UBE2G1: variants seen among roughly 807,000 people sequenced by gnomAD.
UBE2G1 encodes the protein ubiquitin-conjugating enzyme E2 G1.
A neutral mutation model predicts 22.7 loss-of-function variants in UBE2G1; 5 were observed. The observed-to-expected ratio is 0.22, with a 90% CI of 0.12 to 0.46. The LOEUF is 0.46. UBE2G1 is among the 20% of genes least tolerant of loss of function. The pLI, the probability that UBE2G1 is intolerant of heterozygous loss-of-function variation, is 0.99. For synonymous variants in UBE2G1, 74 were observed against 67.5 expected, an observed-to-expected ratio of 1.10 and a Z score of -0.47; for missense variants, 88 against 203.9, an observed-to-expected ratio of 0.43 and a Z score of 3.46.
chr17:4,349,873 A>G (rs187564110), intron 1 of UBE2G1, among the ~76,000 whole-genome samples: 10 of 152,272 alleles, frequency 6.6e-5, no homozygotes, highest in African/African-American at 2.2e-4. Context: ...TTAACCTCAA[A>G]TTAAATAAAT....
intron 1 of UBE2G1, among the ~76,000 whole-genome samples, chr17:4,321,460 C>T (rs1209798576): frequency 6.6e-6 from 1 of 151,744 alleles, no homozygotes; most frequent in Non-Finnish European, 1.5e-5. Flanking sequence ...TCTCTTTTTT[C>T]TGATTATTTG....
intron 1 of UBE2G1, among the ~76,000 whole-genome samples, chr17:4,355,318 A>C (rs1969893669): frequency 6.6e-6 from 1 of 151,056 alleles, no homozygotes; most frequent in Admixed American, 6.6e-5. Context: ...TGAGTCACTA[A>C]GCCCGGCCTG....
At chr17:4,276,929 G>A (rs73972414) in intron 5 of UBE2G1, among the ~76,000 whole-genome samples, 6,035 of 152,180 alleles carry the variant, frequency 0.04, 445 homozygotes, top group African/African-American at 0.14. Flanking sequence ...CCAAGCCTTT[G>A]TACCAACCCA....
chr17:4,332,162 TC>T (rs1221660353), intron 1 of UBE2G1, among the ~76,000 whole-genome samples: 1 of 152,154 alleles, frequency 6.6e-6, no homozygotes, highest in Non-Finnish European at 1.5e-5. Flanking sequence ...AAGTTTTTAT[TC>T]TTTTTTTATT....
At position 4,312,712 on chromosome 17, in the gene UBE2G1, A is replaced by C. The variant is rs543475109; in HGVS notation, c.47-5589T>G. On this transcript the variant is annotated intron_variant, in intron 1 of 5. Transcript: ENST00000396981. ...CTCCATCTCAAAAAAAAAAAAAAAA[A>C]AAACAAAAGCCAAGAAAACATTTTA... Among the ~76,000 whole-genome samples the C allele has an allele frequency of 5.9e-5, 9 of 151,692 alleles. No homozygotes were observed. In the East Asian group the frequency reaches 7.7e-4, roughly 13 times the overall value.
At chr17:4,283,772 G>A (rs1415824980) in intron 4 of UBE2G1, among the ~76,000 whole-genome samples, 1 of 152,060 alleles carries the variant, frequency 6.6e-6, no homozygotes, top group Admixed American at 6.6e-5. Flanking sequence ...GAGGAGAGAG[G>A]AAACAAAGGG....
chr17:4,318,333 C>T (rs1044285024), intron 1 of UBE2G1, among the ~76,000 whole-genome samples: 5 of 152,290 alleles, frequency 3.3e-5, no homozygotes, highest in South Asian at 2.1e-4. Flanking sequence ...TCAAACCTCA[C>T]GCCCAACTAT....
At chr17:4,359,872 C>CA (rs538222115) in intron 1 of UBE2G1, among the ~76,000 whole-genome samples, 7 of 148,494 alleles carry the variant, frequency 4.7e-5, no homozygotes, top group African/African-American at 9.9e-5. Context: ...AAAAAACAAA[C>CA]AAAAAAAAAC....
chr17:4,299,421 A>G (rs973365666), intron 2 of UBE2G1, among the ~76,000 whole-genome samples: 2 of 152,116 alleles, frequency 1.3e-5, no homozygotes, highest in African/African-American at 2.4e-5. Context: ...AAAAGAGTCA[A>G]TGTAAAAGGA....
chr17:4,312,275 T>C (rs1208978430), intron 1 of UBE2G1, among the ~76,000 whole-genome samples: 1 of 151,892 alleles, frequency 6.6e-6, no homozygotes, highest in Non-Finnish European at 1.5e-5. Context: ...CGATAGAGAC[T>C]TCAGGGTTAT....
rs71383549 is a variant in UBE2G1, at chr17:4,337,319, T to TAA, written c.46+28950_46+28951dup. 4.5e-3 allele frequency among the ~76,000 whole-genome samples: 314 copies of TAA among 69,428 alleles called. 1 individual carries two copies. Among genetic ancestry groups the TAA allele is most frequent in the Middle Eastern group, 0.033 (4 of 122 alleles). 45.5% of individuals were successfully genotyped at this position (69,428 alleles called of 152,430 possible). The stretch of plus-strand genomic sequence containing the variant: ...TCATGCCACTACACTCTAATCTGTG[T>TAA]AAAAAAAAAAAAAAGAAAAGAAAAG... On this transcript the variant is annotated intron_variant, in intron 1 of 5. Transcript: ENST00000396981.
At chr17:4,343,493 A>C (rs940604675) in intron 1 of UBE2G1, among the ~76,000 whole-genome samples, 1 of 152,106 alleles carries the variant, frequency 6.6e-6, no homozygotes, top group Admixed American at 6.5e-5. Context: ...GAAAAGAGTG[A>C]GACTCCATCT....
At chr17:4,303,476 A>G (rs1969210792) in intron 2 of UBE2G1, among the ~76,000 whole-genome samples, 1 of 152,236 alleles carries the variant, frequency 6.6e-6, no homozygotes, top group South Asian at 2.1e-4. Context: ...TAGAAATGAA[A>G]CTGCTAAGAC....
At chr17:4,287,037 C>A (rs941228308) in intron 4 of UBE2G1, among the ~76,000 whole-genome samples, 12 of 151,444 alleles carry the variant, frequency 7.9e-5, no homozygotes, top group Admixed American at 7.9e-4. Flanking sequence ...GGCATCAGAG[C>A]AAGACTCTGT....
intron 2 of UBE2G1, among the ~76,000 whole-genome samples, chr17:4,299,392 CTG>C (rs1259838261): frequency 6.6e-6 from 1 of 152,110 alleles, no homozygotes; most frequent in Non-Finnish European, 1.5e-5. Context: ...GAGTGAGACT[CTG>C]TCTCAACAAC....
chr17:4,320,524 A>C (rs1471800313), intron 1 of UBE2G1, among the ~76,000 whole-genome samples: 1 of 152,242 alleles, frequency 6.6e-6, no homozygotes, highest in East Asian at 1.9e-4. Context: ...CATGCACTGA[A>C]AGGTGGATGC....
At chr17:4,274,711 C>T (rs1028371473) in intron 5 of UBE2G1, among the ~76,000 whole-genome samples, 8 of 152,266 alleles carry the variant, frequency 5.3e-5, no homozygotes, top group African/African-American at 9.6e-5. Flanking sequence ...ACCAGATACA[C>T]GTATGCACAT....
chr17:4,304,114 C>T, intron 2 of UBE2G1, among the ~76,000 whole-genome samples: 1 of 152,130 alleles, frequency 6.6e-6, no homozygotes, highest in Admixed American at 6.5e-5. Flanking sequence ...GCCTCCACCT[C>T]CTGGGCTCAG....
At chr17:4,358,219 T>C (rs1168398518) in intron 1 of UBE2G1, among the ~76,000 whole-genome samples, 2 of 152,146 alleles carry the variant, frequency 1.3e-5, no homozygotes, top group Non-Finnish European at 2.9e-5. Context: ...TGTTGTCACT[T>C]GTTTGCTATT....
Sources: gnomAD v4.1 joint callset for allele counts (sites outside exome capture counted in the v4.1 genomes callset) on GRCh38, gnomAD v4.1.1 for gene constraint, MANE v1.5 for transcripts, NCBI Gene and HGNC (gene_info 2026-07-23, HGNC 2026-07-21) for gene names.